The following CYP4F12 variants were observed in gnomAD, a reference collection of about 807,000 sequenced individuals.
The protein encoded by CYP4F12 is cytochrome P450 family 4 subfamily F member 12.
In CYP4F12, 60 loss-of-function variants were observed where a neutral mutation model predicts 56.5. The ratio of observed to expected loss-of-function variants is 1.06; its 90% CI spans 0.86 to 1.32. CYP4F12 has a LOEUF of 1.32. Among genes scored for constraint, CYP4F12 ranks in the 40% most tolerant of loss-of-function variants. CYP4F12 has a pLI of 0.00. For missense variants in CYP4F12, 711 were observed against 683.5 expected (o/e 1.04, Z -0.45); for synonymous variants, 263 against 264.9 (o/e 0.99, Z 0.07).
At chr19:15,685,507 T>C (rs2007557805) in intron 9 of CYP4F12, among the ~76,000 whole-genome samples, 1 of 152,188 alleles carries the variant, frequency 6.6e-6, no homozygotes, top group Admixed American at 6.5e-5. Context: ...AATATCAGTT[T>C]TTTCGAAAAT....
chr19:15,682,328 A>G (rs2007345530), intron 5 of CYP4F12, 61 bp from the exon 6 acceptor site: 1 of 1,596,210 alleles, frequency 6.3e-7, no homozygotes, highest in Admixed American at 1.7e-5. Context: ...GATGTTTGGG[A>G]CTGGGGAGGG....
intron 9 of CYP4F12, among the ~76,000 whole-genome samples, chr19:15,695,423 C>T (rs1486779026): frequency 6.6e-6 from 1 of 151,386 alleles, no homozygotes; most frequent in East Asian, 1.9e-4. Flanking sequence ...TTAATGGGTG[C>T]AGCACACCAG....
At chr19:15,678,621 A>C in intron 3 of CYP4F12, 1 of 577,776 alleles carries the variant, frequency 1.7e-6, no homozygotes, top group African/African-American at 1.9e-5. Context: ...AGGAACCCCC[A>C]TGCTTAAGGA....
chr19:15,683,490 C>T lies in CYP4F12; in HGVS notation c.648-3C>T. 6.3e-7 allele frequency: 1 copy of T among 1,589,924 alleles called. No individual in the cohort carries two copies. ...TGCCTCCCTTTCTGCCCTTGCTCTG[C>T]AGGAGGCCCAGTGAATATATTGCCA... On this transcript the variant is annotated splice_polypyrimidine_tract_variant and splice_region_variant and intron_variant, in intron 6 of 12. Coordinates refer to ENST00000550308, the MANE Select transcript of CYP4F12 (RefSeq NM_023944.4).
chr19:15,678,111 T>C (rs980724005), intron 2 of CYP4F12, 150 bp from the exon 3 acceptor site: 204 of 1,010,166 alleles, frequency 2.0e-4, no homozygotes, highest in Middle Eastern at 1.6e-3. Flanking sequence ...TCCATCCTGT[T>C]TACCTTCAAA....
chr19:15,676,046 G>C (rs2006903606), intron 2 of CYP4F12, among the ~76,000 whole-genome samples: 1 of 152,160 alleles, frequency 6.6e-6, no homozygotes, highest in Non-Finnish European at 1.5e-5. Context: ...AAAGGCCTGA[G>C]TCCCTGGAGT....
chr19:15,691,066 G>A (rs1254020864), intron 9 of CYP4F12, among the ~76,000 whole-genome samples: 1 of 152,086 alleles, frequency 6.6e-6, no homozygotes, highest in Non-Finnish European at 1.5e-5. Context: ...CCATCCCTTT[G>A]TTGAAGACAC....
intron 2 of CYP4F12, among the ~76,000 whole-genome samples, chr19:15,675,598 G>A (rs62106461): frequency 0.91 from 137,716 of 152,160 alleles, 62,278 homozygotes; most frequent in East Asian, 1. Flanking sequence ...ATCAATCCAG[G>A]ATGAGAAAAC....
Position 15,680,431 on chromosome 19 carries a change from G to A in CYP4F12, c.437G>A (p.Arg146His), listed in dbSNP as rs201727887. ...CTGAGTGGCGGTGACAAGTGGAGCCGCCACCGTCGGATGCTGACGCCCGCC... is the reference window on the plus strand; with the variant it reads ...CTGAGTGGCGGTGACAAGTGGAGCCACCACCGTCGGATGCTGACGCCCGCC... ...ILLSGGDKWS[R>H]HRRMLTPAFH... Residue 146 changes from arginine (R) to histidine (H), a missense_variant, in exon 5 of 13, where the codon CGC becomes CAC. Arg to His is a conservative substitution (Grantham distance 29). Transcript: ENST00000550308. 2.2e-4 allele frequency: 360 copies of A among 1,614,006 alleles called. 1 individual carries two copies. In the African/African-American group the frequency reaches 2.6e-3, roughly 12 times the overall value.
rs752513611 is a variant in CYP4F12, at chr19:15,697,120, G to A, written c.*35G>A. The A allele has an allele frequency of 1.1e-5, 18 of 1,593,976 alleles. No homozygotes were observed. Among genetic ancestry groups the A allele is most frequent in the East Asian group, 4.5e-5 (2 of 44,464 alleles). ...CCATCCACCTGTTTTTTTGCAGATTGTCATGAATAAAACGGTGCTGTCACC... is the reference window on the plus strand; with the variant it reads ...CCATCCACCTGTTTTTTTGCAGATTATCATGAATAAAACGGTGCTGTCACC... On this transcript the variant is annotated 3_prime_UTR_variant, in exon 13 of 13. Coordinates refer to ENST00000550308, the MANE Select transcript of CYP4F12 (RefSeq NM_023944.4).
At chr19:15,675,257 G>C (rs1250258711) in intron 2 of CYP4F12, among the ~76,000 whole-genome samples, 2 of 96,864 alleles carry the variant, frequency 2.1e-5, no homozygotes, top group African/African-American at 7.8e-5. Context: ...TGTGGCCTCT[G>C]TCTGCTCACT....
intron 9 of CYP4F12, among the ~76,000 whole-genome samples, chr19:15,688,367 C>CAA (rs57886955): frequency 1.8e-4 from 26 of 146,780 alleles, no homozygotes; most frequent in African/African-American, 6.2e-4. Context: ...AAAACAGTTG[C>CAA]AAAAAAAAAA....
At chr19:15,687,714 A>G (rs1056359406) in intron 9 of CYP4F12, among the ~76,000 whole-genome samples, 3 of 152,196 alleles carry the variant, frequency 2.0e-5, no homozygotes, top group African/African-American at 7.2e-5. Context: ...GAAAATCCAG[A>G]CCACAGGAGA....
At chr19:15,677,034 C>T (rs1387534609) in intron 2 of CYP4F12, among the ~76,000 whole-genome samples, 3 of 150,838 alleles carry the variant, frequency 2.0e-5, no homozygotes, top group Non-Finnish European at 4.4e-5. Flanking sequence ...TTCCTCTCCT[C>T]ACTCACTCAT....
intron 5 of CYP4F12, 43 bp from the exon 6 acceptor site, chr19:15,682,346 G>T (rs765737312): frequency 1.2e-6 from 2 of 1,606,242 alleles, no homozygotes; most frequent in East Asian, 4.5e-5. Flanking sequence ...GGGGCACAAA[G>T]GAGGCAGGGC....
At chr19:15,673,326 T>C in intron 1 of CYP4F12, 191 bp downstream of exon 1, 1 of 605,400 alleles carries the variant, frequency 1.7e-6, no homozygotes, top group Non-Finnish European at 3.0e-6. Context: ...TTTCCCTTTC[T>C]GTGTGGTTAC....
At position 15,696,524 on chromosome 19, in the gene CYP4F12, C is replaced by T. The variant is rs963652687; in HGVS notation, c.1397+12C>T. ...TCCGCAGGGCCCAGGTAAGAGCGCC[C>T]TGTGTCTGAGGCAGGGATGGGATGA... is the stretch of plus-strand genomic sequence containing the variant. On this transcript the variant is annotated intron_variant, in intron 12 of 12. Transcript: ENST00000550308. The T allele has an allele frequency of 2.2e-5, 36 of 1,611,260 alleles. No individual in the cohort carries two copies. Among genetic ancestry groups the T allele is most frequent in the Non-Finnish European group, 3.0e-5 (35 of 1,179,314 alleles).
rs781118691 is a variant in CYP4F12, at chr19:15,683,678, T to C, written c.833T>C (p.Leu278Pro). Reference protein sequence around the residue: ...DAVIRERRRTLPTQGIDDFFK... With the variant: ...DAVIRERRRTPPTQGIDDFFK... ...GTCATCCGGGAGCGGCGTCGCACCCTCCCCACTCAGGGTATTGATGATTTT... is the reference window on the plus strand; with the variant it reads ...GTCATCCGGGAGCGGCGTCGCACCCCCCCCACTCAGGGTATTGATGATTTT... Residue 278 changes from leucine to proline, a missense_variant, in exon 7 of 13, where the codon CTC becomes CCC. Leu to Pro is a moderately conservative substitution (Grantham distance 98, BLOSUM62 -3). Coordinates refer to ENST00000550308, the MANE Select transcript of CYP4F12 (RefSeq NM_023944.4). 53 of 1,612,828 alleles carry C rather than the reference T, an allele frequency of 3.3e-5. No individual in the cohort carries two copies. Among genetic ancestry groups the C allele is most frequent in the Non-Finnish European group, 4.3e-5 (51 of 1,179,584 alleles).
chr19:15,675,510 G>A (rs1362740520), intron 2 of CYP4F12, among the ~76,000 whole-genome samples: 3 of 152,214 alleles, frequency 2.0e-5, no homozygotes, highest in Non-Finnish European at 4.4e-5. Context: ...CAGCTCTAGG[G>A]ATATGTCCTG....
Sources: allele counts gnomAD v4.1 joint callset (sites outside exome capture counted in the v4.1 genomes callset), GRCh38; gene constraint gnomAD v4.1.1; transcripts MANE v1.5; gene names NCBI Gene and HGNC (gene_info 2026-07-23, HGNC 2026-07-21).